UBA6: variants seen among roughly 807,000 people sequenced by gnomAD.
The protein encoded by UBA6 is ubiquitin like modifier activating enzyme 6.
A neutral mutation model predicts 148.3 loss-of-function variants in UBA6; 87 were observed. The observed-to-expected ratio is 0.59, with a 90% CI of 0.49 to 0.70. The LOEUF is 0.70. Ranked by LOEUF, UBA6 falls within the 30% of genes least tolerant of loss-of-function variation. UBA6 has a pLI of 0.00. For missense variants in UBA6, 1,186 were observed against 1,241.2 expected (o/e 0.96, Z 0.67); for synonymous variants, 376 against 401.0 (o/e 0.94, Z 0.75).
At chr4:67,670,427 CT>C in intron 8 of UBA6, 42 bp downstream of exon 8, 1 of 1,521,554 alleles carries the variant, frequency 6.6e-7, no homozygotes, top group Non-Finnish European at 9.0e-7. Flanking sequence ...TTCACATCAA[CT>C]TTAACAAAAT....
chr4:67,690,707 A>G (rs1730674503), intron 2 of UBA6, among the ~76,000 whole-genome samples: 1 of 152,100 alleles, frequency 6.6e-6, no homozygotes, highest in Non-Finnish European at 1.5e-5. Flanking sequence ...ACATTCACTA[A>G]TCATCAAATA....
At chr4:67,687,659 T>A (rs1730604279) in intron 2 of UBA6, among the ~76,000 whole-genome samples, 1 of 152,210 alleles carries the variant, frequency 6.6e-6, no homozygotes, top group Non-Finnish European at 1.5e-5. Context: ...TGGGAATAAA[T>A]GATGTGAACT....
intron 12 of UBA6, 88 bp downstream of exon 12, chr4:67,663,051 A>G (rs1431407388): frequency 3.4e-6 from 3 of 893,322 alleles, no homozygotes; most frequent in Non-Finnish European, 5.2e-6. Flanking sequence ...TTGTAATTAC[A>G]AAGGGCATAG....
intron 32 of UBA6, among the ~76,000 whole-genome samples, chr4:67,622,470 G>A (rs1304794785): frequency 2.6e-5 from 4 of 152,190 alleles, no homozygotes; most frequent in Non-Finnish European, 4.4e-5. Context: ...GACTAGAATA[G>A]TACCTGGCAC....
At chr4:67,622,545 A>T (rs1349355848) in intron 32 of UBA6, among the ~76,000 whole-genome samples, 1 of 152,224 alleles carries the variant, frequency 6.6e-6, no homozygotes, top group East Asian at 1.9e-4. Context: ...TGGCAGTTAG[A>T]TTACTCATAA....
At chr4:67,624,702 C>A (rs1728825596) in intron 29 of UBA6, among the ~76,000 whole-genome samples, 1 of 151,950 alleles carries the variant, frequency 6.6e-6, no homozygotes. Context: ...TCAAGAAAAA[C>A]AGAGTACCTG....
At position 67,639,060 on chromosome 4, in the gene UBA6, G is replaced by A; in HGVS notation, c.1619C>T (p.Ala540Val). ...GGTTGGACATACTTTGTTCAGGTGT[G>A]CATCTATCTTTATTTGAGAATTTAT... ...LKINSQIKID[A>V]HLNKVCPTTE... is the part of the protein sequence containing the mutation. Residue 540 changes from alanine (A) to valine (V), a missense_variant, in exon 19 of 33, where the codon GCA becomes GTA. By Grantham distance (64) the Ala-to-Val change is moderately conservative. Coordinates refer to ENST00000322244, the MANE Select transcript of UBA6 (RefSeq NM_018227.6). The A allele has an allele frequency of 6.2e-7, 1 of 1,613,382 alleles. No homozygotes were observed. Among genetic ancestry groups the A allele is most frequent in the Admixed American group, 1.7e-5 (1 of 60,002 alleles).
intron 7 of UBA6, among the ~76,000 whole-genome samples, chr4:67,671,248 C>G (rs2170872): frequency 6.6e-6 from 1 of 151,952 alleles, no homozygotes; most frequent in Non-Finnish European, 1.5e-5. Context: ...GAGAAATCCT[C>G]ATTCTGTAAT....
In UBA6 at chr4:67,619,110, T is replaced by C. The variant is rs1208999104; in HGVS notation, c.3046A>G (p.Thr1016Ala). 1 of 1,608,170 alleles carries C rather than the reference T, an allele frequency of 6.2e-7. No homozygotes were observed. The highest frequency in any genetic ancestry group is 1.3e-5 in the African/African-American group (1 of 74,906). Residue 1016 changes from threonine (T) to alanine (A), a missense_variant, in exon 33 of 33, where the codon ACT (threonine) becomes GCT (alanine). Thr to Ala is a moderately conservative substitution (Grantham distance 58, BLOSUM62 0). Transcript: ENST00000322244. Reference protein sequence around the residue: ...KLTMHKLVKPTTEKKYVDLTV... With the variant: ...KLTMHKLVKPATEKKYVDLTV... ...AGATCCACATATTTCTTTTCAGTAG[T>C]AGGTTTTACAAGTTTATGCATTCTA...
intron 1 of UBA6, among the ~76,000 whole-genome samples, chr4:67,697,714 C>T (rs1331504218): frequency 1.3e-5 from 2 of 152,174 alleles, no homozygotes; most frequent in African/African-American, 4.8e-5. Context: ...TATCTCAAAC[C>T]TGATCATTTC....
At chr4:67,675,165 T>G (rs1359307429) in intron 6 of UBA6, among the ~76,000 whole-genome samples, 1 of 152,170 alleles carries the variant, frequency 6.6e-6, no homozygotes, top group Non-Finnish European at 1.5e-5. Flanking sequence ...CTATGTGCTA[T>G]AGCTTTGGTA....
intron 7 of UBA6, among the ~76,000 whole-genome samples, chr4:67,673,332 C>A (rs1730194765): frequency 6.7e-6 from 1 of 149,502 alleles, no homozygotes; most frequent in Admixed American, 6.8e-5. Flanking sequence ...AGGAGAATAG[C>A]TTGAACCCGG....
chr4:67,630,195 T>G (rs1403363739), intron 26 of UBA6, among the ~76,000 whole-genome samples: 1 of 152,162 alleles, frequency 6.6e-6, no homozygotes, highest in African/African-American at 2.4e-5. Context: ...AAGCAGGTTA[T>G]AAATATTCTT....
intron 25 of UBA6, 57 bp downstream of exon 25, chr4:67,631,651 A>T: frequency 7.8e-7 from 1 of 1,285,692 alleles, no homozygotes; most frequent in African/African-American, 1.5e-5. Flanking sequence ...CAGTTAAGGA[A>T]TTTACAGTAA....
chr4:67,624,093 C>A, intron 30 of UBA6, 33 bp downstream of exon 30: 1 of 1,488,620 alleles, frequency 6.7e-7, no homozygotes, highest in South Asian at 1.4e-5. Flanking sequence ...ATTTCATTCT[C>A]ATTATACAAG....
chr4:67,644,878 C>T (rs866669123), intron 16 of UBA6, 100 bp from the exon 17 acceptor site: 37 of 519,612 alleles, frequency 7.1e-5, no homozygotes, highest in African/African-American at 3.6e-4. Context: ...ACTGTTTCAA[C>T]GAAAAAAAAA....
chr4:67,647,933 C>T (rs1189001763), intron 14 of UBA6, among the ~76,000 whole-genome samples: 1 of 151,340 alleles, frequency 6.6e-6, no homozygotes, highest in Admixed American at 6.6e-5. Context: ...GCCACCATGC[C>T]CGGCTAATTT....
At chr4:67,679,778 A>G (rs954931487) in intron 4 of UBA6, among the ~76,000 whole-genome samples, 1 of 152,164 alleles carries the variant, frequency 6.6e-6, no homozygotes, top group Non-Finnish European at 1.5e-5. Flanking sequence ...GTAATACTTT[A>G]TAAGCCTAAA....
At chr4:67,696,833 C>T in intron 1 of UBA6, 126 bp from the exon 2 acceptor site, 2 of 661,588 alleles carry the variant, frequency 3.0e-6, no homozygotes, top group Non-Finnish European at 2.6e-6. Context: ...TTAACAACCA[C>T]TTTACTTATA....
Sources: gnomAD v4.1 joint callset for allele counts (sites outside exome capture counted in the v4.1 genomes callset) on GRCh38, gnomAD v4.1.1 for gene constraint, MANE v1.5 for transcripts, NCBI Gene and HGNC (gene_info 2026-07-23, HGNC 2026-07-21) for gene names.